PDE4D: variants seen among roughly 807,000 people sequenced by gnomAD.
The protein encoded by PDE4D is 3',5'-cyclic-AMP phosphodiesterase 4D.
Under a neutral mutation model 87.4 loss-of-function variants are expected in PDE4D, and 24 were observed. The observed-to-expected ratio is 0.27, with a 90% CI of 0.20 to 0.39. PDE4D has a LOEUF of 0.39. Among genes scored for constraint, PDE4D ranks in the 10% least tolerant of loss-of-function variants. The pLI is 1.00. For missense variants in PDE4D, 714 were observed against 1,041.0 expected (o/e 0.69, Z 4.32); for synonymous variants, 384 against 383.2 (o/e 1.00, Z -0.02).
chr5:59,858,096 C>T (rs1449796642), intron 1 of PDE4D, among the ~76,000 whole-genome samples: 1 of 152,008 alleles, frequency 6.6e-6, no homozygotes, highest in African/African-American at 2.4e-5. Flanking sequence ...GGGACTCTTT[C>T]TATGCAAAGA....
intron 1 of PDE4D, among the ~76,000 whole-genome samples, chr5:60,504,148 C>T (rs1750219734): frequency 6.6e-6 from 1 of 152,142 alleles, no homozygotes; most frequent in South Asian, 2.1e-4. Context: ...ATTTCAAAGC[C>T]TTCTGCAGTC....
rs951098074 is a variant in PDE4D, at chr5:59,198,199, G to A, written c.648-4663C>T. ...AAAAAACAGCTGTGATCTGTTTTAAGGAAAATACAGCTCTTTTAAAAAAAA... is the reference window on the plus strand; with the variant it reads ...AAAAAACAGCTGTGATCTGTTTTAAAGAAAATACAGCTCTTTTAAAAAAAA... On this transcript the variant is annotated intron_variant, in intron 2 of 14. Coordinates refer to ENST00000340635, the MANE Select transcript of PDE4D (RefSeq NM_001104631.2). Among the ~76,000 whole-genome samples, 3 of 152,048 alleles carry A rather than the reference G, an allele frequency of 2.0e-5. No individual in the cohort carries two copies. In the South Asian group the frequency reaches 6.2e-4, roughly 32 times the overall value.
chr5:59,123,903 T>A (rs1452472384), intron 5 of PDE4D, among the ~76,000 whole-genome samples: 1 of 152,132 alleles, frequency 6.6e-6, no homozygotes, highest in Non-Finnish European at 1.5e-5. Flanking sequence ...TTGCTTAAAT[T>A]CCCTGAGCAC....
intron 3 of PDE4D, among the ~76,000 whole-genome samples, chr5:59,980,580 A>T (rs571343788): frequency 6.6e-6 from 1 of 152,214 alleles, no homozygotes; most frequent in South Asian, 2.1e-4. Context: ...TTGATTTCTA[A>T]AGGTAAACCT....
chr5:59,162,625 G>A (rs902188418), intron 5 of PDE4D, among the ~76,000 whole-genome samples: 2 of 151,154 alleles, frequency 1.3e-5, no homozygotes, highest in Non-Finnish European at 2.9e-5. Flanking sequence ...AATCACTTGA[G>A]CCCAGGAGTG....
intron 1 of PDE4D, among the ~76,000 whole-genome samples, chr5:59,297,636 T>C (rs750456399): frequency 5.3e-5 from 8 of 152,064 alleles, no homozygotes; most frequent in Non-Finnish European, 8.8e-5. Flanking sequence ...CTGGCTTCTA[T>C]CCTCCTATGT....
chr5:59,996,312 C>T (rs528883964), intron 2 of PDE4D, among the ~76,000 whole-genome samples: 2 of 152,066 alleles, frequency 1.3e-5, no homozygotes, highest in East Asian at 1.9e-4. Flanking sequence ...TGCCACATTC[C>T]TTTTTTTTCC....
chr5:59,736,815 C>T (rs952049417), intron 1 of PDE4D, among the ~76,000 whole-genome samples: 6 of 152,040 alleles, frequency 3.9e-5, no homozygotes, highest in African/African-American at 1.4e-4. Flanking sequence ...TACCAGTAAA[C>T]ACCTGGAAAC....
intron 1 of PDE4D, among the ~76,000 whole-genome samples, chr5:59,521,350 A>T (rs992187175): frequency 6.6e-6 from 1 of 152,212 alleles, no homozygotes; most frequent in Non-Finnish European, 1.5e-5. Context: ...AAATAAAAAC[A>T]GATGTATAAC....
intron 1 of PDE4D, among the ~76,000 whole-genome samples, chr5:60,287,715 C>G (rs1281857493): frequency 6.6e-6 from 1 of 152,196 alleles, no homozygotes; most frequent in Non-Finnish European, 1.5e-5. Context: ...ATAGTTTATA[C>G]TTTCCCTGCT....
At chr5:60,387,986 A>G (rs953339390) in intron 1 of PDE4D, among the ~76,000 whole-genome samples, 2 of 152,178 alleles carry the variant, frequency 1.3e-5, no homozygotes, top group African/African-American at 2.4e-5. Context: ...ATTAACTGGA[A>G]TTGGAAGCAG....
chr5:60,356,408 G>A (rs931113207), intron 1 of PDE4D, among the ~76,000 whole-genome samples: 15 of 152,258 alleles, frequency 9.9e-5, no homozygotes, highest in Non-Finnish European at 1.8e-4. Context: ...TAAATAGACT[G>A]CCTTGGGCTG....
At chr5:58,983,840 C>T (rs1745795198) in intron 11 of PDE4D, among the ~76,000 whole-genome samples, 2 of 152,186 alleles carry the variant, frequency 1.3e-5, no homozygotes, top group African/African-American at 4.8e-5. Context: ...TTTCAGATCA[C>T]TTAGTAAATG....
chr5:59,560,117 C>G (rs191146941), intron 1 of PDE4D, among the ~76,000 whole-genome samples: 1 of 152,186 alleles, frequency 6.6e-6, no homozygotes, highest in East Asian at 1.9e-4. Context: ...GTGAATACTC[C>G]GAAGAAATGT....
chr5:59,892,140 G>C (rs1364263944), intron 1 of PDE4D, among the ~76,000 whole-genome samples: 1 of 152,128 alleles, frequency 6.6e-6, no homozygotes, highest in Non-Finnish European at 1.5e-5. Context: ...GCTGTCCCTG[G>C]GTTATCAGGA....
At chr5:60,256,257 T>A (rs1377528069) in intron 1 of PDE4D, among the ~76,000 whole-genome samples, 1 of 151,898 alleles carries the variant, frequency 6.6e-6, no homozygotes, top group Non-Finnish European at 1.5e-5. Flanking sequence ...AAGATATTAC[T>A]TCAAACATCA....
chr5:59,404,995 T>C (rs1791371718), intron 1 of PDE4D, among the ~76,000 whole-genome samples: 1 of 152,196 alleles, frequency 6.6e-6, no homozygotes, highest in Admixed American at 6.5e-5. Context: ...CTCTGTAGTG[T>C]TATTTGAAGT....
At chr5:59,465,334 C>G (rs1801420621) in intron 1 of PDE4D, among the ~76,000 whole-genome samples, 1 of 152,136 alleles carries the variant, frequency 6.6e-6, no homozygotes, top group Non-Finnish European at 1.5e-5. Flanking sequence ...CCATCACCAC[C>G]TTAACCACTA....
chr5:59,035,019 G>A (rs1368402086), intron 6 of PDE4D, among the ~76,000 whole-genome samples: 3 of 152,238 alleles, frequency 2.0e-5, no homozygotes, highest in African/African-American at 7.2e-5. Context: ...AACGTTACAG[G>A]GTTCCATAGC....
Sources: allele counts gnomAD v4.1 joint callset (sites outside exome capture counted in the v4.1 genomes callset), GRCh38; gene constraint gnomAD v4.1.1; transcripts MANE v1.5; gene names NCBI Gene and HGNC (gene_info 2026-07-23, HGNC 2026-07-21).